Variants in SPANXN3 observed in about 807,000 individuals in gnomAD.
SPANXN3 encodes sperm protein associated with the nucleus on the X chromosome N3.
SPANXN3 carries 1 observed loss-of-function variant against 1.9 expected under a neutral mutation model. The ratio of observed to expected loss-of-function variants is 0.54; its 90% CI spans 0.19 to 2.54. The LOEUF (loss-of-function observed/expected upper bound fraction) is 2.54, where lower values mean the gene tolerates loss of function less well. Ranked by LOEUF, SPANXN3 falls within the 30% of genes most tolerant of loss-of-function variation. SPANXN3 has a pLI of 0.24. For synonymous variants in SPANXN3, 47 were observed against 40.0 expected, an observed-to-expected ratio of 1.17 and a Z score of -0.66; for missense variants, 113 against 96.2, an observed-to-expected ratio of 1.17 and a Z score of -0.73.
chrX:143,513,266 G>A (rs1251868361), intron 1 of SPANXN3, among the ~76,000 whole-genome samples: 3 of 111,724 alleles, frequency 2.7e-5, no homozygotes, highest in African/African-American at 9.8e-5. Flanking sequence ...AATGGCCCTG[G>A]CACAGGGACT....
intron 1 of SPANXN3, among the ~76,000 whole-genome samples, chrX:143,510,942 T>C (rs1421593631): frequency 7.2e-5 from 8 of 111,110 alleles, no homozygotes; most frequent in African/African-American, 2.6e-4. Flanking sequence ...CCAAAGGCCT[T>C]CCAAAGTCTT....
intron 1 of SPANXN3, among the ~76,000 whole-genome samples, chrX:143,513,500 C>A (rs1929145930): frequency 8.9e-6 from 1 of 112,008 alleles, no homozygotes; most frequent in Non-Finnish European, 1.9e-5. Context: ...TCTTTACCAA[C>A]ACATTACTAT....
intron 1 of SPANXN3, among the ~76,000 whole-genome samples, chrX:143,510,350 T>C (rs1487007378): frequency 9.0e-6 from 1 of 110,988 alleles, no homozygotes; most frequent in East Asian, 2.9e-4. Flanking sequence ...GGCCGCTCCG[T>C]CCTCTGGGGA....
chrX:143,517,055 C>G (rs1160888574), intron 1 of SPANXN3, among the ~76,000 whole-genome samples: 1 of 111,123 alleles, frequency 9.0e-6, no homozygotes, highest in African/African-American at 3.3e-5. Flanking sequence ...ACAATGACAT[C>G]CCACTGGAAA....
chrX:143,516,028 T>G (rs1176371310), intron 1 of SPANXN3, among the ~76,000 whole-genome samples: 2 of 111,442 alleles, frequency 1.8e-5, no homozygotes, highest in East Asian at 5.7e-4. Context: ...CTGGAAAACA[T>G]GCACAAACAA....
At chrX:143,515,252 A>G (rs1556412288) in intron 1 of SPANXN3, among the ~76,000 whole-genome samples, 1 of 110,823 alleles carries the variant, frequency 9.0e-6, no homozygotes, top group African/African-American at 3.3e-5. Context: ...TCCACACTGA[A>G]TACACCATTC....
chrX:143,511,590 A>T (rs1265029468), intron 1 of SPANXN3, among the ~76,000 whole-genome samples: 1 of 111,488 alleles, frequency 9.0e-6, no homozygotes, highest in Non-Finnish European at 1.9e-5. Flanking sequence ...AAACCTAAAA[A>T]AGGGCCAGGC....
chrX:143,513,311 C>T, intron 1 of SPANXN3, among the ~76,000 whole-genome samples: 1 of 112,121 alleles, frequency 8.9e-6, no homozygotes, highest in Non-Finnish European at 1.9e-5. Flanking sequence ...TTTGTATGTA[C>T]ATTCTGACCA....
chrX:143,516,212 G>C (rs1319160206), intron 1 of SPANXN3, among the ~76,000 whole-genome samples: 1 of 112,072 alleles, frequency 8.9e-6, no homozygotes, highest in Non-Finnish European at 1.9e-5. Flanking sequence ...TATTCAACTT[G>C]GAAAAATATA....
At chrX:143,515,280 C>A (rs782650947) in intron 1 of SPANXN3, among the ~76,000 whole-genome samples, 4 of 110,904 alleles carry the variant, frequency 3.6e-5, no homozygotes, top group Non-Finnish European at 7.5e-5. Context: ...AAAAGAGCAC[C>A]AGACCCACAT....
chrX:143,516,437 C>G (rs2124260804), intron 1 of SPANXN3, among the ~76,000 whole-genome samples: 1 of 111,966 alleles, frequency 8.9e-6, no homozygotes, highest in South Asian at 3.7e-4. Flanking sequence ...ATCCAGGTTC[C>G]TTTAGTAGCT....
At chrX:143,513,620 C>A (rs1485045245) in intron 1 of SPANXN3, among the ~76,000 whole-genome samples, 1 of 111,272 alleles carries the variant, frequency 9.0e-6, no homozygotes, top group Non-Finnish European at 1.9e-5. Flanking sequence ...CCCTCTAATC[C>A]CCTTCCAGAG....
At chrX:143,509,206 T>C in intron 1 of SPANXN3, 44 bp from the exon 2 acceptor site, 1 of 1,088,999 alleles carries the variant, frequency 9.2e-7, no homozygotes, top group Non-Finnish European at 1.3e-6. Context: ...TTATTTTGGG[T>C]GAATAGGATA....
chrX:143,511,367 C>T (rs782028250), intron 1 of SPANXN3, among the ~76,000 whole-genome samples: 8 of 111,521 alleles, frequency 7.2e-5, no homozygotes, highest in Non-Finnish European at 1.1e-4. Flanking sequence ...TTTCCTCTCC[C>T]GCCTTTTCAA....
At chrX:143,515,168 C>G (rs1318591276) in intron 1 of SPANXN3, among the ~76,000 whole-genome samples, 3 of 110,617 alleles carry the variant, frequency 2.7e-5, no homozygotes, top group African/African-American at 9.9e-5. Context: ...CTCCTCCTCC[C>G]CTTTCCAACC....
chrX:143,512,166 C>T (rs1556411822), intron 1 of SPANXN3, among the ~76,000 whole-genome samples: 1 of 109,947 alleles, frequency 9.1e-6, no homozygotes, highest in African/African-American at 3.3e-5. Flanking sequence ...TTCCAGGCCT[C>T]CATGCAATGC....
At chrX:143,516,478 C>G (rs1402233470) in intron 1 of SPANXN3, among the ~76,000 whole-genome samples, 2 of 112,386 alleles carry the variant, frequency 1.8e-5, no homozygotes, top group Non-Finnish European at 3.8e-5. Flanking sequence ...ACACACTAAG[C>G]AGGCTCTACA....
Position 143,509,156 on chromosome X carries a change from C to T in SPANXN3, c.85G>A (p.Glu29Lys). ...SNNKKNDEMQ[E>K]VPNRVLAPEQ... ...GGGGCTAAGACTCTGTTTGGTACCTCTTGCATCTGGTAAGAAAATAGGGAG... is the reference window on the plus strand; with the variant it reads ...GGGGCTAAGACTCTGTTTGGTACCTTTTGCATCTGGTAAGAAAATAGGGAG... Residue 29 changes from glutamate to lysine, a missense_variant, in exon 2 of 2, where the codon GAG becomes AAG. Glu to Lys is a moderately conservative substitution (Grantham distance 56, BLOSUM62 1). Coordinates refer to ENST00000370503, the MANE Select transcript of SPANXN3 (RefSeq NM_001009609.4). 1 of 1,202,330 alleles carries T rather than the reference C, an allele frequency of 8.3e-7. No individual in the cohort carries two copies. The highest frequency in any genetic ancestry group is 1.1e-6 in the Non-Finnish European group (1 of 890,156).
At position 143,508,923 on chromosome X, in the gene SPANXN3, T is replaced by C. The variant is rs78672367; in HGVS notation, c.318A>G (p.Glu106=). The change falls in exon 2 of 2, where the codon GAA becomes GAG. Residue 106 remains glutamate, a synonymous_variant. Transcript: ENST00000370503. The part of the protein sequence containing the change: ...SNEDEDLGPC[E]GPSKEDKDLD... ...GATCTTTGTCCTCCTTTGAAGGTCCTTCACATGGGCCTAGGTCTTCATCCT... is the reference window on the plus strand; with the variant it reads ...GATCTTTGTCCTCCTTTGAAGGTCCCTCACATGGGCCTAGGTCTTCATCCT... The C allele has an allele frequency of 1.8e-4, 221 of 1,210,102 alleles. No homozygotes were observed. The African/African-American group carries it at 3.5e-3, about 19-fold the overall frequency.
Sources: gnomAD v4.1 joint callset for allele counts (sites outside exome capture counted in the v4.1 genomes callset) on GRCh38, gnomAD v4.1.1 for gene constraint, MANE v1.5 for transcripts, NCBI Gene and HGNC (gene_info 2026-07-23, HGNC 2026-07-21) for gene names.